Variants in QKI observed in about 807,000 individuals in gnomAD.
The protein encoded by QKI is QKI, KH domain containing RNA binding, also known as KH domain-containing RNA-binding protein QKI.
In QKI, 10 loss-of-function variants were observed where a neutral mutation model predicts 39.0. The observed-to-expected ratio is 0.26, with a 90% CI of 0.16 to 0.43. QKI has a LOEUF of 0.43. QKI is among the 20% of genes least tolerant of loss of function. QKI has a pLI of 1.00. For missense variants in QKI, 218 were observed against 428.0 expected, an observed-to-expected ratio of 0.51 and a Z score of 4.33; for synonymous variants, 204 against 155.4, an observed-to-expected ratio of 1.31 and a Z score of -2.33.
chr6:163,471,290 G>A (rs988999205), intron 2 of QKI, among the ~76,000 whole-genome samples: 6 of 152,110 alleles, frequency 3.9e-5, no homozygotes, highest in Non-Finnish European at 7.4e-5. Context: ...GAAAAATGGA[G>A]AGAGTTCATT....
rs577445298 is a variant in QKI, at chr6:163,421,658, G to A, written c.142+6323G>A. Among the ~76,000 whole-genome samples, 439 of 131,540 alleles carry A rather than the reference G, an allele frequency of 3.3e-3. 2 individuals are homozygous for A. Among genetic ancestry groups the A allele is most frequent in the African/African-American group, 0.013 (407 of 32,054 alleles). The allele number at this position is 131,540 out of a possible 152,430, so 86.3% of individuals were successfully genotyped here. On this transcript the variant is annotated intron_variant, in intron 1 of 7. Transcript: ENST00000361752. The stretch of plus-strand genomic sequence containing the variant: ...AATAGCTATGTTTTTAAACACAGGT[G>A]TGTCTTTTAATTTTAAACAGTGCCA...
intron 3 of QKI, among the ~76,000 whole-genome samples, chr6:163,524,939 GTC>G: frequency 6.6e-6 from 1 of 152,114 alleles, no homozygotes; most frequent in Non-Finnish European, 1.5e-5. Flanking sequence ...CTATCTTTAT[GTC>G]TCTTTTGTAG....
At chr6:163,546,607 TTAC>T (rs962200319) in intron 4 of QKI, among the ~76,000 whole-genome samples, 2 of 152,056 alleles carry the variant, frequency 1.3e-5, no homozygotes, top group Admixed American at 6.6e-5. Flanking sequence ...TAATTTTTCT[TTAC>T]TACATTTCAA....
intron 3 of QKI, among the ~76,000 whole-genome samples, chr6:163,507,074 A>T (rs1169771394): frequency 2.6e-5 from 4 of 152,176 alleles, no homozygotes; most frequent in African/African-American, 9.6e-5. Context: ...CATTGAAGCC[A>T]GTCTCACAAG....
chr6:163,486,410 A>G (rs1433114672), intron 3 of QKI, among the ~76,000 whole-genome samples: 1 of 152,218 alleles, frequency 6.6e-6, no homozygotes, highest in Non-Finnish European at 1.5e-5. Context: ...ATGACTTACG[A>G]AATGTTATTA....
chr6:163,572,450 G>A lies in QKI; in HGVS notation c.*1740G>A, dbSNP rs1158135195. The A allele has an allele frequency of 6.6e-6, 1 of 151,842 alleles. No individual in the cohort carries two copies. The highest frequency in any genetic ancestry group is 1.5e-5 in the Non-Finnish European group (1 of 67,972). The allele number at this position is 151,842 out of a possible 1,614,324, so 9.4% of individuals were successfully genotyped here. A position where few individuals can be genotyped will look rare whatever the true frequency, so the allele number is the denominator to read the frequency against. On this transcript the variant is annotated 3_prime_UTR_variant, in exon 8 of 8. Transcript: ENST00000361752. The stretch of plus-strand genomic sequence containing the variant: ...TCCTTTTACTGTTTCAATAACCTCT[G>A]CCTCCCCCACCCCTTAACTTTAAAA...
At chr6:163,498,652 GT>G (rs1277802609) in intron 3 of QKI, among the ~76,000 whole-genome samples, 2 of 151,544 alleles carry the variant, frequency 1.3e-5, no homozygotes, top group South Asian at 2.1e-4. Context: ...GACTTAGTTT[GT>G]TTTTTTCCTC....
chr6:163,519,856 T>A (rs1780042203), intron 3 of QKI, among the ~76,000 whole-genome samples: 1 of 152,170 alleles, frequency 6.6e-6, no homozygotes. Flanking sequence ...TGTTTTTCAT[T>A]GCATTCACAT....
intron 1 of QKI, among the ~76,000 whole-genome samples, chr6:163,454,363 T>C (rs1790780929): frequency 6.6e-6 from 1 of 152,124 alleles, no homozygotes; most frequent in Non-Finnish European, 1.5e-5. Context: ...TAAAAACAGG[T>C]CATTGATTTT....
chr6:163,522,895 A>T (rs1780247046), intron 3 of QKI, among the ~76,000 whole-genome samples: 1 of 151,836 alleles, frequency 6.6e-6, no homozygotes, highest in South Asian at 2.1e-4. Flanking sequence ...GCAGCTATCC[A>T]CGGTGCCGTT....
chr6:163,510,861 CTCTT>C (rs56063739), intron 3 of QKI, among the ~76,000 whole-genome samples: 63,492 of 151,006 alleles, frequency 0.42, 16,513 homozygotes, highest in East Asian at 0.7. Flanking sequence ...TTTAATGTAA[CTCTT>C]TCAGCAACTA....
At chr6:163,565,744 T>C (rs1056922670) in intron 6 of QKI, 1 of 1,248,918 alleles carries the variant, frequency 8.0e-7, no homozygotes, top group African/African-American at 1.5e-5. Flanking sequence ...CAGAAAATTA[T>C]TTTAAATTTC....
At chr6:163,506,714 A>C (rs1779116592) in intron 3 of QKI, among the ~76,000 whole-genome samples, 1 of 152,214 alleles carries the variant, frequency 6.6e-6, no homozygotes. Flanking sequence ...TAATGTGCAT[A>C]GTGCCTGGCA....
chr6:163,539,565 T>G (rs907767661), intron 4 of QKI, among the ~76,000 whole-genome samples: 2 of 152,130 alleles, frequency 1.3e-5, no homozygotes, highest in African/African-American at 2.4e-5. Flanking sequence ...AAAGGTGCCT[T>G]CCTAAATAGG....
At chr6:163,569,801 A>G in intron 7 of QKI, 1 of 985,158 alleles carries the variant, frequency 1.0e-6, no homozygotes, top group Non-Finnish European at 1.2e-6. Flanking sequence ...AAATTGAATA[A>G]AGAAAGCTGT....
At chr6:163,503,749 T>C (rs1223096019) in intron 3 of QKI, among the ~76,000 whole-genome samples, 1 of 152,058 alleles carries the variant, frequency 6.6e-6, no homozygotes, top group Admixed American at 6.6e-5. Context: ...TTTAAACTGT[T>C]ATTTTTTGGA....
chr6:163,491,425 C>G (rs1489926949), intron 3 of QKI, among the ~76,000 whole-genome samples: 1 of 152,138 alleles, frequency 6.6e-6, no homozygotes, highest in Non-Finnish European at 1.5e-5. Context: ...AAACTAGCTC[C>G]CTGGTGTCCC....
chr6:163,419,408 TTTTC>T (rs1454645686), intron 1 of QKI, among the ~76,000 whole-genome samples: 1 of 152,062 alleles, frequency 6.6e-6, no homozygotes, highest in Non-Finnish European at 1.5e-5. Flanking sequence ...TACAAAAAGG[TTTTC>T]TTTTTGTCTG....
In QKI at chr6:163,566,841, G is replaced by A. The variant is rs140698854; in HGVS notation, c.1009+46G>A. On this transcript the variant is annotated intron_variant, in intron 7 of 7. Transcript: ENST00000361752. The stretch of plus-strand genomic sequence containing the variant: ...CTTGTCTATAAGAAATGCGTTGGGT[G>A]TCCATAAAATTTGCAACACCACACC... 7.2e-5 allele frequency: 115 copies of A among 1,599,876 alleles called. No individual in the cohort carries two copies. The East Asian group carries it at 2.0e-3, about 27-fold the overall frequency.
Sources: allele counts gnomAD v4.1 joint callset (sites outside exome capture counted in the v4.1 genomes callset), GRCh38; gene constraint gnomAD v4.1.1; transcripts MANE v1.5; gene names NCBI Gene and HGNC (gene_info 2026-07-23, HGNC 2026-07-21).